Variants in CELSR3 observed in about 807,000 individuals in gnomAD.
CELSR3 encodes the protein cadherin EGF LAG seven-pass G-type receptor 3.
CELSR3 carries 73 observed loss-of-function variants against 270.0 expected under a neutral mutation model. That is an observed-to-expected ratio of 0.27 (90% confidence interval 0.22 to 0.33). CELSR3 has a LOEUF of 0.33. Among genes scored for constraint, CELSR3 ranks in the 10% least tolerant of loss-of-function variants. CELSR3 has a pLI of 1.00. For missense variants in CELSR3, 3,614 were observed against 4,533.8 expected, an observed-to-expected ratio of 0.80 and a Z score of 5.83; for synonymous variants, 1,780 against 1,905.4, an observed-to-expected ratio of 0.93 and a Z score of 1.71.
At position 48,662,572 on chromosome 3, in the gene CELSR3, GAGC is replaced by G; in HGVS notation, c.60_62del (p.Leu24del). The G allele has an allele frequency of 6.4e-7, 1 of 1,560,496 alleles. No homozygotes were observed. Among genetic ancestry groups the G allele is most frequent in the Non-Finnish European group, 8.7e-7 (1 of 1,152,652 alleles). On this transcript the variant is annotated inframe_deletion, in exon 1 of 35. Coordinates refer to ENST00000164024, the MANE Select transcript of CELSR3 (RefSeq NM_001407.3). This position sits in a 1 kb window ranked among gnomAD's most constrained non-coding sequence, Gnocchi z 7.1. ...TGAGGGGGAACAAAGAGAGGAGAAG[GAGC>G]AGGAGTATGGGGGTCGACCGTCCCC...
At position 48,644,171 on chromosome 3, in the gene CELSR3, A is replaced by C; in HGVS notation, c.8165+45T>G. Reference sequence around the variant, plus strand: ...GGGCCCCAGACCCCACCCAGGAGGGACCTGCCATCCTGAGAAGCCCCCTTC... The same window carrying C: ...GGGCCCCAGACCCCACCCAGGAGGGCCCTGCCATCCTGAGAAGCCCCCTTC... On this transcript the variant is annotated intron_variant, in intron 27 of 34. Coordinates refer to ENST00000164024, the MANE Select transcript of CELSR3 (RefSeq NM_001407.3). This position sits in a 1 kb window ranked among gnomAD's most constrained non-coding sequence, Gnocchi z 4.8. 6.4e-7 allele frequency: 1 copy of C among 1,554,118 alleles called. No homozygotes were observed. The highest frequency in any genetic ancestry group is 8.9e-7 in the Non-Finnish European group (1 of 1,129,440).
In CELSR3 at chr3:48,645,098, C is replaced by A; in HGVS notation, c.7909G>T (p.Val2637Leu). Residue 2637 changes from valine to leucine, a missense_variant, in exon 25 of 35, where the codon GTG becomes TTG. Physicochemically the swap from Val to Leu is conservative, Grantham distance 32. Around this residue, in one of 7 missense-constraint regions of CELSR3, gnomAD observed 1,240 missense variants for 1,351.7 expected, o/e 0.92. Transcript: ENST00000164024. This position sits in a 1 kb window ranked among gnomAD's most constrained non-coding sequence, Gnocchi z 5.4. ...TAGAAGCGCATGGCGCCGCGGTCCA[C>A]GTTGCGTGGCTCAACCTGCATGCGG... is the stretch of plus-strand genomic sequence containing the variant. ...LYRMQVEPRN[V>L]DRGAMRFYHA... 6.2e-7 allele frequency: 1 copy of A among 1,604,304 alleles called. No individual in the cohort carries two copies. The highest frequency in any genetic ancestry group is 2.2e-5 in the East Asian group (1 of 44,542).
Position 48,638,334 on chromosome 3 carries a change from C to G in CELSR3, c.9912-102G>C. On this transcript the variant is annotated intron_variant, in intron 34 of 34. Transcript: ENST00000164024. Reference sequence around the variant, plus strand: ...TTTGGCCTGGCTGCTTCCCTTGCCTCCACCACTGCTCTCGCCTCTTAGCCC... The same window carrying G: ...TTTGGCCTGGCTGCTTCCCTTGCCTGCACCACTGCTCTCGCCTCTTAGCCC... 4.8e-6 allele frequency: 4 copies of G among 829,994 alleles called. 1 individual carries two copies. The South Asian group carries it at 5.4e-5, about 11-fold the overall frequency. The allele number at this position is 829,994 out of a possible 1,614,324, so 51.4% of individuals were successfully genotyped here.
Position 48,656,709 on chromosome 3 carries a change from G to T in CELSR3, c.4388C>A (p.Pro1463Gln). 2.7e-6 allele frequency: 4 copies of T among 1,491,430 alleles called. No individual in the cohort carries two copies. The highest frequency in any genetic ancestry group is 3.5e-6 in the Non-Finnish European group (4 of 1,126,992). 92.4% of individuals were successfully genotyped at this position (1,491,430 alleles called of 1,614,324 possible). A position where few individuals can be genotyped will look rare whatever the true frequency, so the allele number is the denominator to read the frequency against. ...GGCGCCCTGCTCACCGGTGAAGCGC[G>T]GGCGGCAGACGCACGTGTAGCCTCC... is the stretch of plus-strand genomic sequence containing the variant. ...REGGYTCVCR[P>Q]RFTGEDCELD... The change falls in exon 2 of 35, where the codon CCG (proline) becomes CAG (glutamine). Residue 1463 changes from proline to glutamine, a missense_variant. Transcript: ENST00000164024.
At chr3:48,649,045 C>T in intron 17 of CELSR3, 76 bp downstream of exon 17, 6 of 1,542,626 alleles carry the variant, frequency 3.9e-6, no homozygotes, top group Non-Finnish European at 5.3e-6. Flanking sequence ...AGTTCAAGGG[C>T]TAGGGTGTGG....
chr3:48,648,143 G>A (rs2047104188), intron 19 of CELSR3, 123 bp downstream of exon 19: 3 of 1,420,096 alleles, frequency 2.1e-6, no homozygotes, highest in African/African-American at 1.4e-5. Flanking sequence ...AAAACGCTGA[G>A]GGCGGTGGCT....
In CELSR3 at chr3:48,640,168, C is replaced by A; in HGVS notation, c.9417G>T (p.Gly3139=). 6.2e-7 allele frequency: 1 copy of A among 1,612,690 alleles called. No individual in the cohort carries two copies. The highest frequency in any genetic ancestry group is 8.5e-7 in the Non-Finnish European group (1 of 1,179,942). The stretch of plus-strand genomic sequence containing the variant: ...CCCCTAAGTCGAGCGCATCCCGTGA[C>A]CCGAAGCGGCCAGCCATGGCGCCAG... ...DYPGAMAGRF[G]SRDALDLGAP... is the part of the protein sequence containing the mutation. The change falls in exon 34 of 35, where the codon GGG becomes GGT. Residue 3139 remains glycine, a synonymous_variant. Coordinates refer to ENST00000164024, the MANE Select transcript of CELSR3 (RefSeq NM_001407.3). The surrounding 1 kb of genome is among the most constrained non-coding windows in gnomAD (Gnocchi z 7.5).
rs146491964 is a variant in CELSR3 at position 48,653,088 on chromosome 3, C to T, written c.5548G>A (p.Asp1850Asn). 2.0e-5 allele frequency: 32 copies of T among 1,613,246 alleles called. No homozygotes were observed. The highest frequency in any genetic ancestry group is 2.7e-5 in the African/African-American group (2 of 74,932). Reference sequence around the variant, plus strand: ...TCCTCCTGCAACTCCAGCCGCAGATCGTGCCACCGGCCATCACTGACAGTC... The same window carrying T: ...TCCTCCTGCAACTCCAGCCGCAGATTGTGCCACCGGCCATCACTGACAGTC... ...QVTVSDGRWH[D>N]LRLELQEEPG... Residue 1850 changes from aspartate to asparagine, a missense_variant, in exon 10 of 35, where the codon GAT (aspartate) becomes AAT (asparagine). Asp to Asn is a conservative substitution (Grantham distance 23). Coordinates refer to ENST00000164024, the MANE Select transcript of CELSR3 (RefSeq NM_001407.3). This position sits in a 1 kb window ranked among gnomAD's most constrained non-coding sequence, Gnocchi z 6.5.
At chr3:48,647,795 G>T (rs373648798) in intron 20 of CELSR3, 46 bp downstream of exon 20, 13 of 1,585,400 alleles carry the variant, frequency 8.2e-6, no homozygotes, top group East Asian at 2.2e-5. Context: ...TGGTTGGGGG[G>T]ACAGAGAGAC....
Position 48,650,950 on chromosome 3 carries a change from GCCA to G in CELSR3, c.6309_6311del (p.Gly2104del). ...GACTGTCACAGCTGTTGCACTGGCG[GCCA>G]AGGGCTCCTGGGCGACAGGGGCACT... On this transcript the variant is annotated inframe_deletion, in exon 15 of 35. Transcript: ENST00000164024. The surrounding 1 kb of genome is among the most constrained non-coding windows in gnomAD (Gnocchi z 5.1). 1 of 1,611,756 alleles carries G rather than the reference GCCA, an allele frequency of 6.2e-7. No homozygotes were observed. The highest frequency in any genetic ancestry group is 8.5e-7 in the Non-Finnish European group (1 of 1,179,804).
At position 48,652,293 on chromosome 3, in the gene CELSR3, A is replaced by G; in HGVS notation, c.5751+144T>C. 1.3e-6 allele frequency: 1 copy of G among 759,458 alleles called. No individual in the cohort carries two copies. The highest frequency in any genetic ancestry group is 1.7e-5 in the South Asian group (1 of 58,960). 47.0% of individuals were successfully genotyped at this position (759,458 alleles called of 1,614,324 possible). A position where few individuals can be genotyped will look rare whatever the true frequency, so the allele number is the denominator to read the frequency against. On this transcript the variant is annotated intron_variant, in intron 11 of 34. Coordinates refer to ENST00000164024, the MANE Select transcript of CELSR3 (RefSeq NM_001407.3). The surrounding 1 kb of genome is among the most constrained non-coding windows in gnomAD (Gnocchi z 4.3). ...GACTCCCACCTCCAATGCCACAGAA[A>G]GGCTTGACCTAGCTCTCAACTCTGG... is the stretch of plus-strand genomic sequence containing the variant.
Position 48,638,092 on chromosome 3 carries a change from C to A in CELSR3, c.*113G>T. 1.1e-6 allele frequency: 1 copy of A among 890,230 alleles called. No homozygotes were observed. 55.1% of individuals were successfully genotyped at this position (890,230 alleles called of 1,614,324 possible). A position where few individuals can be genotyped will look rare whatever the true frequency, so the allele number is the denominator to read the frequency against. ...CCACACCAGGTAGAGCTGGGGCACC[C>A]ACCACTGGGGAGCAGGAGGCTGCCT... is the stretch of plus-strand genomic sequence containing the variant. On this transcript the variant is annotated 3_prime_UTR_variant, in exon 35 of 35. Coordinates refer to ENST00000164024, the MANE Select transcript of CELSR3 (RefSeq NM_001407.3).
In CELSR3 at chr3:48,652,993, A is replaced by T; in HGVS notation, c.5634+9T>A. 1 of 1,611,420 alleles carries T rather than the reference A, an allele frequency of 6.2e-7. No homozygotes were observed. The highest frequency in any genetic ancestry group is 8.5e-7 in the Non-Finnish European group (1 of 1,178,646). ...TGAGAACAGACTACCCCGGGGTCAG[A>T]GGCCAGACCTGGAAGAGGCTAAAGT... On this transcript the variant is annotated intron_variant, in intron 10 of 34. Transcript: ENST00000164024. This position sits in a 1 kb window ranked among gnomAD's most constrained non-coding sequence, Gnocchi z 4.3.
At chr3:48,643,410 T>C in intron 28 of CELSR3, 144 bp downstream of exon 28, 1 of 1,144,226 alleles carries the variant, frequency 8.7e-7, no homozygotes, top group Non-Finnish European at 1.2e-6. Context: ...CTAGGGCCAG[T>C]GTCTGGTCTG....
intron 17 of CELSR3, 86 bp from the exon 18 acceptor site, chr3:48,649,014 G>C: frequency 6.4e-7 from 1 of 1,551,178 alleles, no homozygotes; most frequent in Non-Finnish European, 8.8e-7. Flanking sequence ...CAGATTAAAG[G>C]GCAACCAGGA....
Position 48,651,956 on chromosome 3 carries a change from G to C in CELSR3, c.5844C>G (p.Asn1948Lys), listed in dbSNP as rs765184298. The change falls in exon 12 of 35, where the codon AAC becomes AAG. Residue 1948 changes from asparagine to lysine, a missense_variant. Physicochemically the swap from Asn to Lys is moderately conservative, Grantham distance 94. Transcript: ENST00000164024. This position sits in a 1 kb window ranked among gnomAD's most constrained non-coding sequence, Gnocchi z 7.4. ...GTGGGCAGGGCCCAGAGGCACAGGC[G>C]TTGGTCACAACACAGCCAGGCTCCG... The part of the protein sequence containing the change: ...VNAEPGCVVT[N>K]ACASGPCPPH... The C allele has an allele frequency of 6.2e-7, 1 of 1,608,628 alleles. No individual in the cohort carries two copies. Among genetic ancestry groups the C allele is most frequent in the South Asian group, 1.1e-5 (1 of 90,424 alleles).
Position 48,645,805 on chromosome 3 carries a change from G to T in CELSR3, c.7527C>A (p.His2509Gln). The T allele has an allele frequency of 1.2e-6, 2 of 1,611,842 alleles. No individual in the cohort carries two copies. Among genetic ancestry groups the T allele is most frequent in the Non-Finnish European group, 1.7e-6 (2 of 1,179,544 alleles). ...CTGTCCGGCTGCAGCGACACCGTGC[G>T]TGGGACCCATTCCTGTGCACCAGCT... is the stretch of plus-strand genomic sequence containing the variant. Reference protein sequence around the residue: ...DCELVHRNGSHARCRCSRTGT... With the variant: ...DCELVHRNGSQARCRCSRTGT... The change falls in exon 23 of 35, where the codon CAC becomes CAA. Residue 2509 changes from histidine (H) to glutamine (Q), a missense_variant. By Grantham distance (24) the His-to-Gln change is conservative. This residue lies in a region of CELSR3 where 1,240 missense variants were observed against 1,351.7 expected (regional missense o/e 0.92). Transcript: ENST00000164024. The surrounding 1 kb of genome is among the most constrained non-coding windows in gnomAD (Gnocchi z 5.4).
chr3:48,643,480 C>T (rs1028419391), intron 28 of CELSR3, 74 bp downstream of exon 28: 42 of 1,502,490 alleles, frequency 2.8e-5, no homozygotes, highest in Admixed American at 6.3e-5. Flanking sequence ...CTAGGGTCAA[C>T]GTCTGCCTAG....
rs1404570288 is a variant in CELSR3 at position 48,640,231 on chromosome 3, G to A, written c.9354C>T (p.Gly3118=). 1.9e-6 allele frequency: 3 copies of A among 1,612,648 alleles called. No homozygotes were observed. In the East Asian group the frequency reaches 6.7e-5, roughly 36 times the overall value. Reference sequence around the variant, plus strand: ...GTGGCTGCCTCCGTGGCAGGGTGCTGCCCCGATCTTTGGGCTCCAGTCGGC... The same window carrying A: ...GTGGCTGCCTCCGTGGCAGGGTGCTACCCCGATCTTTGGGCTCCAGTCGGC... The part of the protein sequence containing the change: ...APGRLEPKDR[G]STLPRRQPPR... The change falls in exon 34 of 35, where the codon GGC becomes GGT. Residue 3118 remains glycine (G), a synonymous_variant. Coordinates refer to ENST00000164024, the MANE Select transcript of CELSR3 (RefSeq NM_001407.3). The surrounding 1 kb of genome is among the most constrained non-coding windows in gnomAD (Gnocchi z 7.5).
Sources: gnomAD v4.1 joint callset for allele counts on GRCh38, gnomAD v4.1.1 for gene constraint, gnomAD v4.1.1 regional missense constraint, Gnocchi (gnomAD v3.1) non-coding constraint, MANE v1.5 for transcripts, NCBI Gene and HGNC (gene_info 2026-07-23, HGNC 2026-07-21) for gene names.